The following ADGRL3 variants were observed in gnomAD, a reference collection of about 807,000 sequenced individuals.
The protein encoded by ADGRL3 is calcium-independent alpha-latrotoxin receptor 3.
A neutral mutation model predicts 153.5 loss-of-function variants in ADGRL3; 62 were observed. The observed-to-expected ratio is 0.40, with a 90% CI of 0.33 to 0.50. The LOEUF is 0.50. ADGRL3 is among the 20% of genes least tolerant of loss of function. The probability of loss-of-function intolerance (pLI) is 0.47; values close to 1 mark genes in which losing one functional copy is unlikely to be tolerated. For missense variants in ADGRL3, 1,641 were observed against 1,859.4 expected (o/e 0.88, Z 2.16); for synonymous variants, 710 against 672.5 (o/e 1.06, Z -0.86).
At chr4:61,526,031 G>A (rs1299810825) in intron 4 of ADGRL3, among the ~76,000 whole-genome samples, 1 of 152,082 alleles carries the variant, frequency 6.6e-6, no homozygotes, top group African/African-American at 2.4e-5. Flanking sequence ...GGGATGCTGG[G>A]GACGCACTTA....
At chr4:61,284,951 GTA>G (rs1466307255) in intron 1 of ADGRL3, among the ~76,000 whole-genome samples, 1 of 148,108 alleles carries the variant, frequency 6.8e-6, no homozygotes, top group African/African-American at 2.6e-5. Flanking sequence ...GTTTTTTCAT[GTA>G]TGTTACCAAT....
At chr4:61,431,757 A>T in intron 2 of ADGRL3, among the ~76,000 whole-genome samples, 1 of 152,342 alleles carries the variant, frequency 6.6e-6, no homozygotes. Flanking sequence ...TGTCAATAAT[A>T]GTTTATAAAG....
intron 4 of ADGRL3, among the ~76,000 whole-genome samples, chr4:61,553,116 C>T (rs755194412): frequency 1.3e-5 from 2 of 152,112 alleles, no homozygotes; most frequent in African/African-American, 2.4e-5. Flanking sequence ...AAGCATAGTT[C>T]GTAGGTACAT....
chr4:61,726,216 T>TTTTTTTTTTTTTTTTTTTTTTTG (rs1384390790), intron 6 of ADGRL3, among the ~76,000 whole-genome samples: 1 of 148,840 alleles, frequency 6.7e-6, no homozygotes, highest in African/African-American at 2.5e-5. Flanking sequence ...TTTTGTTTTT[T>TTTTTTTTTTTTTTTTTTTTTTTG]GAGAAGGAGT....
intron 5 of ADGRL3, among the ~76,000 whole-genome samples, chr4:61,605,114 AGAG>A (rs2099027268): frequency 7.3e-6 from 1 of 137,352 alleles, no homozygotes; most frequent in African/African-American, 2.7e-5. Flanking sequence ...AAAAAAAAAA[AGAG>A]AAGGAAAAAA....
At chr4:61,688,138 T>C (rs1489632232) in intron 6 of ADGRL3, among the ~76,000 whole-genome samples, 1 of 152,100 alleles carries the variant, frequency 6.6e-6, no homozygotes, top group African/African-American at 2.4e-5. Flanking sequence ...TCCTTCTCTC[T>C]ATGGCTAATT....
chr4:61,621,877 A>G (rs1459136242), intron 5 of ADGRL3, among the ~76,000 whole-genome samples: 1 of 152,180 alleles, frequency 6.6e-6, no homozygotes, highest in Non-Finnish European at 1.5e-5. Context: ...AAAGGCAATT[A>G]ATCCCCACCT....
At chr4:61,624,219 C>A (rs1423140728) in intron 5 of ADGRL3, among the ~76,000 whole-genome samples, 4 of 152,048 alleles carry the variant, frequency 2.6e-5, no homozygotes, top group African/African-American at 9.7e-5. Flanking sequence ...AATCGATTTG[C>A]ATTTTGAAGA....
At chr4:61,546,466 A>T (rs1379980418) in intron 4 of ADGRL3, among the ~76,000 whole-genome samples, 1 of 152,108 alleles carries the variant, frequency 6.6e-6, no homozygotes, top group African/African-American at 2.4e-5. Flanking sequence ...TATAATAACT[A>T]CTCCAAGATT....
intron 5 of ADGRL3, among the ~76,000 whole-genome samples, chr4:61,655,300 A>G (rs544143065): frequency 2.0e-5 from 3 of 152,286 alleles, no homozygotes; most frequent in African/African-American, 7.2e-5. Context: ...AATTTCTAAG[A>G]GAATATTTTT....
intron 9 of ADGRL3, among the ~76,000 whole-genome samples, chr4:61,866,798 T>C (rs2098402890): frequency 6.6e-6 from 1 of 152,186 alleles, no homozygotes; most frequent in African/African-American, 2.4e-5. Context: ...TTTTCTCATG[T>C]CTGTTGTAAT....
At chr4:61,711,124 A>T (rs535788259) in intron 6 of ADGRL3, among the ~76,000 whole-genome samples, 1 of 152,268 alleles carries the variant, frequency 6.6e-6, no homozygotes, top group African/African-American at 2.4e-5. Flanking sequence ...CAATCCCAAG[A>T]TATCAAGATC....
intron 4 of ADGRL3, among the ~76,000 whole-genome samples, chr4:61,534,757 T>G (rs984546936): frequency 2.6e-5 from 4 of 152,282 alleles, no homozygotes; most frequent in Non-Finnish European, 4.4e-5. Context: ...ATTGTTGGCA[T>G]ATAGGTATGC....
chr4:61,975,497 A>T (rs2099044806), intron 17 of ADGRL3, among the ~76,000 whole-genome samples: 1 of 152,204 alleles, frequency 6.6e-6, no homozygotes, highest in Admixed American at 6.5e-5. Context: ...TGCAGTTCTT[A>T]GGGCTATCTA....
At chr4:61,958,450 G>A (rs1411174203) in intron 17 of ADGRL3, among the ~76,000 whole-genome samples, 3 of 150,562 alleles carry the variant, frequency 2.0e-5, no homozygotes, top group Non-Finnish European at 4.4e-5. Flanking sequence ...ACTAACTGCT[G>A]TGAGGGATTG....
intron 5 of ADGRL3, among the ~76,000 whole-genome samples, chr4:61,603,299 T>C (rs2099019193): frequency 6.6e-6 from 1 of 152,202 alleles, no homozygotes; most frequent in African/African-American, 2.4e-5. Context: ...ATTTTTTAAC[T>C]TAGCGGGCTA....
At position 61,267,593 on chromosome 4, in the gene ADGRL3, T is replaced by A. The variant is rs186996683; in HGVS notation, c.-240+65828T>A. Among the ~76,000 whole-genome samples the A allele has an allele frequency of 2.2e-3, 341 of 151,780 alleles. 6 individuals are homozygous for A. The highest frequency in any genetic ancestry group is 4.7e-4 in the Non-Finnish European group (32 of 67,662). On this transcript the variant is annotated intron_variant, in intron 1 of 26. Transcript: ENST00000683033. ...AGAATGAACATTTACTGTGAATTGA[T>A]ATTGTAAGTATGATTAATAGGGATG...
At chr4:61,534,562 A>G (rs2098643536) in intron 4 of ADGRL3, among the ~76,000 whole-genome samples, 3 of 152,104 alleles carry the variant, frequency 2.0e-5, no homozygotes, top group South Asian at 4.1e-4. Flanking sequence ...GACTCTTCCT[A>G]TGCATGAGCA....
chr4:61,560,267 A>T (rs770508363), intron 4 of ADGRL3, among the ~76,000 whole-genome samples: 7 of 152,126 alleles, frequency 4.6e-5, no homozygotes, highest in Non-Finnish European at 5.9e-5. Context: ...GTAATATGCA[A>T]TAAAAAACTG....
Sources: allele counts gnomAD v4.1 joint callset (sites outside exome capture counted in the v4.1 genomes callset), GRCh38; gene constraint gnomAD v4.1.1; transcripts MANE v1.5; gene names NCBI Gene and HGNC (gene_info 2026-07-23, HGNC 2026-07-21).